Variants in CNTNAP2 observed in about 807,000 individuals in gnomAD.
CNTNAP2 encodes the protein contactin associated protein 2.
Under a neutral mutation model 155.2 loss-of-function variants are expected in CNTNAP2, and 98 were observed. That is an observed-to-expected ratio of 0.63 (90% CI 0.54 to 0.75). The LOEUF (loss-of-function observed/expected upper bound fraction) is 0.75. Ranked by LOEUF, CNTNAP2 falls within the 30% of genes least tolerant of loss-of-function variation. The pLI is 0.00. For synonymous variants in CNTNAP2, 651 were observed against 631.2 expected, an observed-to-expected ratio of 1.03 and a Z score of -0.47; for missense variants, 1,727 against 1,688.1, an observed-to-expected ratio of 1.02 and a Z score of -0.40.
intron 11 of CNTNAP2, among the ~76,000 whole-genome samples, chr7:147,516,769 T>C (rs912426470): frequency 2.0e-5 from 3 of 151,972 alleles, no homozygotes; most frequent in Admixed American, 1.3e-4. Flanking sequence ...TAGTTCTCTA[T>C]GTCAATCATA....
intron 17 of CNTNAP2, among the ~76,000 whole-genome samples, chr7:148,171,082 A>G (rs535112305): frequency 7.2e-5 from 11 of 152,328 alleles, no homozygotes; most frequent in Non-Finnish European, 1.5e-4. Flanking sequence ...CTCAGGAACT[A>G]TGAGTCCTTG....
intron 15 of CNTNAP2, among the ~76,000 whole-genome samples, chr7:147,997,547 ACT>A (rs1198304594): frequency 1.6e-5 from 2 of 127,966 alleles, no homozygotes; most frequent in African/African-American, 7.3e-5. Flanking sequence ...CAAGAGCAAA[ACT>A]CTGTCTCAAA....
intron 1 of CNTNAP2, among the ~76,000 whole-genome samples, chr7:146,343,444 T>G (rs1379457200): frequency 2.0e-5 from 3 of 152,180 alleles, no homozygotes; most frequent in Admixed American, 1.3e-4. Flanking sequence ...GTTCCGCCTT[T>G]GCTGCAATGG....
At chr7:147,813,751 G>A (rs1323559536) in intron 13 of CNTNAP2, among the ~76,000 whole-genome samples, 1 of 152,182 alleles carries the variant, frequency 6.6e-6, no homozygotes, top group Non-Finnish European at 1.5e-5. Context: ...ACGCACGGAG[G>A]AAAATCTCAC....
intron 15 of CNTNAP2, among the ~76,000 whole-genome samples, chr7:148,039,181 CTTAG>C (rs1802624906): frequency 6.6e-6 from 1 of 152,156 alleles, no homozygotes; most frequent in Non-Finnish European, 1.5e-5. Context: ...TGGTGTAACT[CTTAG>C]TCTGAGGCTG....
At chr7:146,576,104 A>G (rs1798520189) in intron 1 of CNTNAP2, among the ~76,000 whole-genome samples, 1 of 152,204 alleles carries the variant, frequency 6.6e-6, no homozygotes. Context: ...GTATACTGTC[A>G]CTGAATATAT....
chr7:147,458,639 C>A (rs1797963673), intron 10 of CNTNAP2, among the ~76,000 whole-genome samples: 2 of 152,180 alleles, frequency 1.3e-5, no homozygotes, highest in South Asian at 4.1e-4. Context: ...TTGCAAAGCA[C>A]TGCCTGATAG....
rs184671809 is a variant in CNTNAP2, at chr7:147,614,285, G to A, written c.1898-24821G>A. 8.8e-4 allele frequency among the ~76,000 whole-genome samples: 134 copies of A among 152,102 alleles called. 1 individual carries two copies. The highest frequency in any genetic ancestry group is 4.6e-4 in the Non-Finnish European group (31 of 67,980). ...AATTATTGGGATTATGATTGAAAATGGAATTAATTTATATACTAAGTTATT... is the reference window on the plus strand; with the variant it reads ...AATTATTGGGATTATGATTGAAAATAGAATTAATTTATATACTAAGTTATT... On this transcript the variant is annotated intron_variant, in intron 12 of 23. Transcript: ENST00000361727.
chr7:147,507,301 A>G (rs1474338474), intron 11 of CNTNAP2, among the ~76,000 whole-genome samples: 2 of 152,154 alleles, frequency 1.3e-5, no homozygotes, highest in Non-Finnish European at 2.9e-5. Context: ...AATGGGGAGT[A>G]ACATGTGTTT....
intron 8 of CNTNAP2, among the ~76,000 whole-genome samples, chr7:147,251,367 C>G (rs1804193586): frequency 6.6e-6 from 1 of 152,096 alleles, no homozygotes; most frequent in African/African-American, 2.4e-5. Context: ...TTTGTTAACC[C>G]TTTTTTCCTA....
At chr7:147,309,649 A>G (rs781106821) in intron 9 of CNTNAP2, among the ~76,000 whole-genome samples, 5 of 152,160 alleles carry the variant, frequency 3.3e-5, no homozygotes, top group Non-Finnish European at 5.9e-5. Context: ...GTACCTGATT[A>G]TGCAAAAACA....
At chr7:148,170,554 T>C (rs951187820) in intron 17 of CNTNAP2, among the ~76,000 whole-genome samples, 1 of 152,190 alleles carries the variant, frequency 6.6e-6, no homozygotes, top group South Asian at 2.1e-4. Flanking sequence ...TACTCTCTCA[T>C]AGCTTTGATC....
At chr7:146,199,158 A>G (rs560678633) in intron 1 of CNTNAP2, among the ~76,000 whole-genome samples, 1 of 152,236 alleles carries the variant, frequency 6.6e-6, no homozygotes, top group Non-Finnish European at 1.5e-5. Context: ...AAACATGCCT[A>G]AAAATTATTC....
chr7:147,979,137 A>G (rs923190041), intron 15 of CNTNAP2, among the ~76,000 whole-genome samples: 2 of 152,240 alleles, frequency 1.3e-5, no homozygotes, highest in African/African-American at 4.8e-5. Context: ...GCAATTAAGC[A>G]ATGCCATGTT....
At chr7:147,472,536 T>C (rs1798243364) in intron 10 of CNTNAP2, among the ~76,000 whole-genome samples, 1 of 152,092 alleles carries the variant, frequency 6.6e-6, no homozygotes, top group Non-Finnish European at 1.5e-5. Context: ...TAAAGTAGCG[T>C]GACATGTGAA....
intron 1 of CNTNAP2, among the ~76,000 whole-genome samples, chr7:146,159,698 A>G (rs1478433290): frequency 2.6e-5 from 4 of 152,196 alleles, no homozygotes; most frequent in Non-Finnish European, 5.9e-5. Context: ...AACTATCCTA[A>G]ATATATATGC....
chr7:147,849,707 C>T (rs911134123), intron 13 of CNTNAP2, among the ~76,000 whole-genome samples: 1 of 152,194 alleles, frequency 6.6e-6, no homozygotes, highest in African/African-American at 2.4e-5. Context: ...TGCGAGCAGG[C>T]CAGGGACTCT....
chr7:147,646,744 T>C (rs1353153205), intron 13 of CNTNAP2, among the ~76,000 whole-genome samples: 1 of 152,124 alleles, frequency 6.6e-6, no homozygotes, highest in African/African-American at 2.4e-5. Flanking sequence ...ACACGTTGTG[T>C]GTGTGTACAT....
At chr7:146,898,870 CT>C (rs578225413) in intron 3 of CNTNAP2, among the ~76,000 whole-genome samples, 3 of 151,920 alleles carry the variant, frequency 2.0e-5, no homozygotes, top group Non-Finnish European at 2.9e-5. Flanking sequence ...TGATCTGCCA[CT>C]TTTTTTCTCA....
Sources: allele counts gnomAD v4.1 joint callset (sites outside exome capture counted in the v4.1 genomes callset), GRCh38; gene constraint gnomAD v4.1.1; transcripts MANE v1.5; gene names NCBI Gene and HGNC (gene_info 2026-07-23, HGNC 2026-07-21).